NRIP3: variants seen among roughly 807,000 people sequenced by gnomAD.
The protein encoded by NRIP3 is nuclear receptor interacting protein 3.
NRIP3 carries 31 observed loss-of-function variants against 29.0 expected under a neutral mutation model. The observed-to-expected ratio is 1.07, with a 90% CI of 0.80 to 1.44. The LOEUF (loss-of-function observed/expected upper bound fraction) is 1.44, where lower values mean the gene tolerates loss of function less well. Among genes scored for constraint, NRIP3 ranks in the 40% most tolerant of loss-of-function variants. The pLI is 0.00. For synonymous variants in NRIP3, 131 were observed against 118.3 expected, an observed-to-expected ratio of 1.11 and a Z score of -0.70; for missense variants, 314 against 297.9, an observed-to-expected ratio of 1.05 and a Z score of -0.40.
At position 8,996,316 on chromosome 11, in the gene NRIP3, C is replaced by G. The variant is rs182929312; in HGVS notation, c.174+7446G>C. 6.6e-3 allele frequency among the ~76,000 whole-genome samples: 790 copies of G among 119,492 alleles called. 5 individuals are homozygous for G. Among genetic ancestry groups the G allele is most frequent in the Middle Eastern group, 0.038 (5 of 130 alleles). The allele number at this position is 119,492 out of a possible 152,430, so 78.4% of individuals were successfully genotyped here. On this transcript the variant is annotated intron_variant, in intron 1 of 6. Transcript: ENST00000309166. Reference sequence around the variant, plus strand: ...TTTTTTTTTGAGATGGAGTCTCACTCTGTCTCCCAGGCTGGAGTGCAGTGG... The same window carrying G: ...TTTTTTTTTGAGATGGAGTCTCACTGTGTCTCCCAGGCTGGAGTGCAGTGG...
At chr11:8,996,468 A>G (rs143237687) in intron 1 of NRIP3, among the ~76,000 whole-genome samples, 4,314 of 151,812 alleles carry the variant, frequency 0.028, 198 homozygotes, top group African/African-American at 0.099. Flanking sequence ...TTTAGTGGAG[A>G]TGAGGTTTCA....
At chr11:8,996,220 G>C (rs1471884890) in intron 1 of NRIP3, among the ~76,000 whole-genome samples, 1 of 149,350 alleles carries the variant, frequency 6.7e-6, no homozygotes, top group Non-Finnish European at 1.5e-5. Flanking sequence ...CTCAGCTCTT[G>C]ACATAGTACT....
chr11:8,990,648 C>G (rs539346211), intron 1 of NRIP3, among the ~76,000 whole-genome samples: 1 of 152,140 alleles, frequency 6.6e-6, no homozygotes, highest in Non-Finnish European at 1.5e-5. Context: ...AAAAATTGGC[C>G]AGGCATGGTG....
rs965367360 is a variant in NRIP3, at chr11:8,988,230, A to G, written c.227T>C (p.Leu76Pro). 6.2e-7 allele frequency: 1 copy of G among 1,613,938 alleles called. No homozygotes were observed. The highest frequency in any genetic ancestry group is 1.3e-5 in the African/African-American group (1 of 74,876). The change falls in exon 2 of 7, where the codon CTC (leucine) becomes CCC (proline). Residue 76 changes from leucine to proline, a missense_variant. Transcript: ENST00000309166. ...CCAAGGGACACGGGGACCGCTTCGG[A>G]GCTTAGACAGGTTGGTTTCCATGAG... ...RRLMETNLSK[L>P]RSGPRVPWAS...
At chr11:8,984,204 A>T (rs1173326326) in intron 4 of NRIP3, 80 bp from the exon 5 acceptor site, 2 of 830,256 alleles carry the variant, frequency 2.4e-6, no homozygotes, top group Non-Finnish European at 2.1e-6. Flanking sequence ...ATTAGGTTCC[A>T]TCCATCCATC....
chr11:8,985,944 C>A, intron 3 of NRIP3, 94 bp from the exon 4 acceptor site: 1 of 1,430,450 alleles, frequency 7.0e-7, no homozygotes, highest in Admixed American at 1.8e-5. Flanking sequence ...TGGAATTCTC[C>A]AGGGATCTCC....
upstream of NRIP3, chr11:9,004,080 G>A: frequency 2.8e-6 from 2 of 726,512 alleles, no homozygotes; most frequent in Non-Finnish European, 4.0e-6. Flanking sequence ...GCGGGGGGCG[G>A]GGCCGGCACA....
At chr11:9,000,642 CTG>C (rs1854776984) in intron 1 of NRIP3, among the ~76,000 whole-genome samples, 1 of 152,250 alleles carries the variant, frequency 6.6e-6, no homozygotes, top group East Asian at 1.9e-4. Context: ...CATAACATGA[CTG>C]TTTTTAAAAA....
intron 1 of NRIP3, among the ~76,000 whole-genome samples, chr11:8,997,634 A>G (rs1854732615): frequency 7.9e-6 from 1 of 125,986 alleles, no homozygotes; most frequent in Non-Finnish European, 1.9e-5. Flanking sequence ...TCTAAAGGAA[A>G]TGAACACTAT....
intron 1 of NRIP3, among the ~76,000 whole-genome samples, chr11:8,994,030 C>T (rs1854657356): frequency 6.6e-6 from 1 of 152,000 alleles, no homozygotes; most frequent in African/African-American, 2.4e-5. Flanking sequence ...AGCCAACTTA[C>T]CGTAGTTTAA....
chr11:8,989,782 T>C (rs1854568892), intron 1 of NRIP3, among the ~76,000 whole-genome samples: 1 of 152,134 alleles, frequency 6.6e-6, no homozygotes, highest in Non-Finnish European at 1.5e-5. Context: ...CGAATCTCTC[T>C]CACCAATAAG....
intron 1 of NRIP3, among the ~76,000 whole-genome samples, chr11:8,998,526 C>T (rs2134928128): frequency 6.6e-6 from 1 of 152,318 alleles, no homozygotes; most frequent in Admixed American, 6.5e-5. Flanking sequence ...AGCCTTCTCT[C>T]CATACCATCT....
chr11:9,003,340 T>C (rs899039758), intron 1 of NRIP3, among the ~76,000 whole-genome samples: 1 of 152,182 alleles, frequency 6.6e-6, no homozygotes, highest in Non-Finnish European at 1.5e-5. Context: ...CAAAAAACCC[T>C]CTTTCCACTT....
At chr11:9,001,001 C>T (rs1198348463) in intron 1 of NRIP3, among the ~76,000 whole-genome samples, 1 of 151,690 alleles carries the variant, frequency 6.6e-6, no homozygotes, top group Admixed American at 6.6e-5. Context: ...CCTGCGAGGT[C>T]GAGGCTGCAG....
At chr11:8,985,359 T>C (rs946554878) in intron 4 of NRIP3, among the ~76,000 whole-genome samples, 36 of 149,842 alleles carry the variant, frequency 2.4e-4, no homozygotes, top group Non-Finnish European at 4.1e-4. Context: ...TTAGTAGAGA[T>C]GGGGTTTCAC....
At position 8,993,460 on chromosome 11, in the gene NRIP3, T is replaced by C. The variant is rs151130886; in HGVS notation, c.175-5178A>G. ...GTTATTTAACAGAATGTTAGTATAA[T>C]AGAAGAGTGAATATGATGGGAAGGT... On this transcript the variant is annotated intron_variant, in intron 1 of 6. Coordinates refer to ENST00000309166, the MANE Select transcript of NRIP3 (RefSeq NM_020645.3). Among the ~76,000 whole-genome samples, 4 of 152,300 alleles carry C rather than the reference T, an allele frequency of 2.6e-5. No homozygotes were observed. The East Asian group carries it at 7.7e-4, about 29-fold the overall frequency.
rs1355630523 is a variant in NRIP3, at chr11:8,988,100, C to A, written c.339+18G>T. 6.2e-7 allele frequency: 1 copy of A among 1,611,906 alleles called. No individual in the cohort carries two copies. ...TACTTTCCAGAAAACCCTGGAAAAG[C>A]TGTTCTCAGAACATTACCTGGCAAG... is the stretch of plus-strand genomic sequence containing the variant. On this transcript the variant is annotated intron_variant, in intron 2 of 6. Transcript: ENST00000309166.
upstream of NRIP3, chr11:9,004,110 C>G (rs1257697412): frequency 2.0e-6 from 1 of 498,568 alleles, no homozygotes; most frequent in African/African-American, 2.0e-5. Flanking sequence ...CCCCGCGCGG[C>G]TCCCTCGCGT....
intron 1 of NRIP3, among the ~76,000 whole-genome samples, chr11:9,000,838 G>A (rs565126946): frequency 6.6e-6 from 1 of 152,138 alleles, no homozygotes; most frequent in East Asian, 1.9e-4. Flanking sequence ...GGAGGCTAAA[G>A]TGGGCAGATC....
Sources: allele counts gnomAD v4.1 joint callset (sites outside exome capture counted in the v4.1 genomes callset), GRCh38; gene constraint gnomAD v4.1.1; transcripts MANE v1.5; gene names NCBI Gene and HGNC (gene_info 2026-07-23, HGNC 2026-07-21).